ITGA10: variants seen among roughly 807,000 people sequenced by gnomAD.
ITGA10 encodes integrin alpha-10.
ITGA10 carries 105 observed loss-of-function variants against 145.2 expected under a neutral mutation model. The observed-to-expected ratio is 0.72, with a 90% CI of 0.62 to 0.85. The LOEUF (loss-of-function observed/expected upper bound fraction) is 0.85. Among genes scored for constraint, ITGA10 ranks in the 40% least tolerant of loss-of-function variants. The pLI, the probability that ITGA10 is intolerant of heterozygous loss-of-function variation, is 0.00. For synonymous variants in ITGA10, 506 were observed against 557.8 expected, an observed-to-expected ratio of 0.91 and a Z score of 1.31; for missense variants, 1,317 against 1,444.5, an observed-to-expected ratio of 0.91 and a Z score of 1.43.
At position 145,900,839 on chromosome 1, in the gene ITGA10, A is replaced by AGTG; in HGVS notation, c.1739_1741dup (p.Ala580_Leu581insPro). 1 of 1,614,152 alleles carries AGTG rather than the reference A, an allele frequency of 6.2e-7. No individual in the cohort carries two copies. Among genetic ancestry groups the AGTG allele is most frequent in the Middle Eastern group, 1.6e-4 (1 of 6,062 alleles). On this transcript the variant is annotated inframe_insertion, in exon 14 of 30. Transcript: ENST00000369304. ...ACTCTGGGTTCCATGGTACAGGTAC[A>AGTG]GTGCTCCCTGGTGCCCATCTTCCAG...
In ITGA10 at chr1:145,902,444, T is replaced by A; in HGVS notation, c.1075+10A>T. 2 of 1,609,972 alleles carry A rather than the reference T, an allele frequency of 1.2e-6. No individual in the cohort carries two copies. The highest frequency in any genetic ancestry group is 1.7e-6 in the Non-Finnish European group (2 of 1,177,870). On this transcript the variant is annotated intron_variant, in intron 9 of 29. Transcript: ENST00000369304. The stretch of plus-strand genomic sequence containing the variant: ...TCCCGCCCTGTCCATTTCTCCAGAG[T>A]AATCCTCACCTTCAAGGCCAAAAAT...
At chr1:145,908,383 A>C in intron 1 of ITGA10, among the ~76,000 whole-genome samples, 1 of 152,108 alleles carries the variant, frequency 6.6e-6, no homozygotes, top group East Asian at 1.9e-4. Context: ...ATAGTTTGCC[A>C]TCCATCCTTT....
intron 3 of ITGA10, 25 bp from the exon 4 acceptor site, chr1:145,906,849 A>G: frequency 5.9e-6 from 9 of 1,521,348 alleles, no homozygotes; most frequent in Non-Finnish European, 8.2e-6. Flanking sequence ...GTGGAAGAGA[A>G]TGAGATCATG....
chr1:145,898,902 C>G (rs782241674), intron 17 of ITGA10, 34 bp downstream of exon 17: 1 of 1,595,076 alleles, frequency 6.3e-7, no homozygotes, highest in African/African-American at 1.3e-5. Flanking sequence ...CATTCTCAGG[C>G]CCTGATGCTA....
At chr1:145,897,692 G>A (rs781871392) in intron 19 of ITGA10, 39 bp from the exon 20 acceptor site, 3 of 1,613,686 alleles carry the variant, frequency 1.9e-6, no homozygotes, top group Admixed American at 1.7e-5. Flanking sequence ...GGAGTTGAAG[G>A]AGGGGAGTGC....
At chr1:145,904,538 T>A (rs1193764314) in intron 6 of ITGA10, 146 bp downstream of exon 6, 3 of 861,984 alleles carry the variant, frequency 3.5e-6, no homozygotes, top group Non-Finnish European at 5.3e-6. Context: ...CTGGCTATTT[T>A]TTTTTTCTTT....
chr1:145,902,656 G>A, intron 8 of ITGA10, 37 bp from the exon 9 acceptor site: 1 of 1,570,768 alleles, frequency 6.4e-7, no homozygotes, highest in South Asian at 1.2e-5. Context: ...AGGCATTAGA[G>A]TTGGTACAGA....
At chr1:145,895,880 A>G (rs782319411) in intron 25 of ITGA10, 103 bp downstream of exon 25, 94 of 1,061,824 alleles carry the variant, frequency 8.9e-5, no homozygotes, top group Non-Finnish European at 1.2e-4. Flanking sequence ...GAAGAGCCCC[A>G]AGAGCAGAGG....
chr1:145,895,511 C>A, intron 26 of ITGA10, 118 bp from the exon 27 acceptor site: 1 of 1,338,000 alleles, frequency 7.5e-7, no homozygotes, highest in Non-Finnish European at 1.1e-6. Flanking sequence ...CATTCCCACT[C>A]CAGATCAGGA....
intron 25 of ITGA10, 113 bp from the exon 26 acceptor site, chr1:145,895,824 C>A: frequency 9.2e-7 from 1 of 1,088,140 alleles, no homozygotes; most frequent in Admixed American, 2.2e-5. Context: ...ATACCTTTTT[C>A]TTCTCTCTAA....
intron 2 of ITGA10, 22 bp from the exon 3 acceptor site, chr1:145,907,172 A>G (rs781797846): frequency 6.4e-7 from 1 of 1,558,730 alleles, no homozygotes; most frequent in Admixed American, 2.0e-5. Context: ...ATGTGAATGT[A>G]AGTAAGCACA....
chr1:145,909,781 TCAAA>T (rs1190838053), intron 1 of ITGA10, among the ~76,000 whole-genome samples, 178 bp downstream of exon 1: 1 of 150,242 alleles, frequency 6.7e-6, no homozygotes, highest in Non-Finnish European at 1.5e-5. Flanking sequence ...GTCTCAATAT[TCAAA>T]CAGTCATATG....
chr1:145,903,450 A>G (rs1570896556), intron 7 of ITGA10, among the ~76,000 whole-genome samples: 1 of 152,030 alleles, frequency 6.6e-6, no homozygotes, highest in Admixed American at 6.6e-5. Flanking sequence ...GTTGGAGTGG[A>G]GGGATAGAAA....
Position 145,902,948 on chromosome 1 carries a change from T to C in ITGA10, c.772A>G (p.Ser258Gly). The C allele has an allele frequency of 6.2e-7, 1 of 1,604,542 alleles. No individual in the cohort carries two copies. Among genetic ancestry groups the C allele is most frequent in the Non-Finnish European group, 8.5e-7 (1 of 1,175,938 alleles). ...AIMVACTEGF[S>G]QSHGGRPEAA... is the part of the protein sequence containing the mutation. Reference sequence around the variant, plus strand: ...TCGGGTCGGCCCCCATGGGACTGACTGAACCCTTCTGTGCTGAGAAGAGAA... The same window carrying C: ...TCGGGTCGGCCCCCATGGGACTGACCGAACCCTTCTGTGCTGAGAAGAGAA... The change falls in exon 8 of 30, where the codon AGT becomes GGT. Residue 258 changes from serine (S) to glycine (G), a missense_variant. Coordinates refer to ENST00000369304, the MANE Select transcript of ITGA10 (RefSeq NM_003637.5).
intron 5 of ITGA10, chr1:145,906,096 A>ATTT: frequency 1.6e-5 from 4 of 256,386 alleles, no homozygotes; most frequent in South Asian, 4.2e-5. Flanking sequence ...TAATTTTTGT[A>ATTT]TTTTTTTTTT....
At chr1:145,909,146 A>AG (rs1197257305) in intron 1 of ITGA10, among the ~76,000 whole-genome samples, 1 of 151,912 alleles carries the variant, frequency 6.6e-6, no homozygotes, top group East Asian at 1.9e-4. Context: ...CTAAAAAAAA[A>AG]AAAATTAGCC....
Position 145,902,514 on chromosome 1 carries a change from C to T in ITGA10, c.1015G>A (p.Asp339Asn), listed in dbSNP as rs1341189579. 3.1e-6 allele frequency: 5 copies of T among 1,613,796 alleles called. No homozygotes were observed. The African/African-American group carries it at 6.7e-5, about 22-fold the overall frequency. The change falls in exon 9 of 30, where the codon GAT becomes AAT. Residue 339 changes from aspartate to asparagine, a missense_variant. Coordinates refer to ENST00000369304, the MANE Select transcript of ITGA10 (RefSeq NM_003637.5). ...ACAATGTCAGTCAGAGCAGCCTCAT[C>T]TGTGACATTGAAGAAGAATCGCTCA... ...PDERFFFNVT[D>N]EAALTDIVDA...
Position 145,903,901 on chromosome 1 carries a change from C to G in ITGA10, c.758+151G>C. On this transcript the variant is annotated intron_variant, in intron 7 of 29. Transcript: ENST00000369304. ...ATGGGGTTTCTCCATGTTGGTCAGG[C>G]TGGTCTCGAACTCCTGACCTCAGGT... 5.5e-6 allele frequency: 4 copies of G among 733,594 alleles called. No homozygotes were observed. In the South Asian group the frequency reaches 6.8e-5, roughly 13 times the overall value. The allele number at this position is 733,594 out of a possible 1,614,324, so 45.4% of individuals were successfully genotyped here.
chr1:145,900,827 T>C lies in ITGA10; in HGVS notation c.1754A>G (p.His585Arg). 2 of 1,614,142 alleles carry C rather than the reference T, an allele frequency of 1.2e-6. No homozygotes were observed. Among genetic ancestry groups the C allele is most frequent in the South Asian group, 1.1e-5 (1 of 91,090 alleles). Residue 585 changes from histidine (H) to arginine (R), a missense_variant, in exon 14 of 30, where the codon CAT (histidine) becomes CGT (arginine). Transcript: ENST00000369304. ...DGHQGALYLY[H>R]GTQSGVRPHP... is the part of the protein sequence containing the mutation. The stretch of plus-strand genomic sequence containing the variant: ...GGGCCTGACTCCACTCTGGGTTCCA[T>C]GGTACAGGTACAGTGCTCCCTGGTG...
Sources: gnomAD v4.1 joint callset for allele counts (sites outside exome capture counted in the v4.1 genomes callset) on GRCh38, gnomAD v4.1.1 for gene constraint, MANE v1.5 for transcripts, NCBI Gene and HGNC (gene_info 2026-07-23, HGNC 2026-07-21) for gene names.